The following CTNNA2 variants were observed in gnomAD, a reference collection of about 807,000 sequenced individuals.
The protein encoded by CTNNA2 is catenin alpha 2, also known as catenin alpha-2.
CTNNA2 carries 42 observed loss-of-function variants against 101.0 expected under a neutral mutation model. The ratio of observed to expected loss-of-function variants is 0.42; its 90% CI spans 0.32 to 0.54. The LOEUF is 0.54. CTNNA2 is among the 20% of genes least tolerant of loss of function. The pLI is 0.14. For missense variants in CTNNA2, 871 were observed against 1,223.1 expected (o/e 0.71, Z 4.29); for synonymous variants, 450 against 456.4 (o/e 0.99, Z 0.18).
At chr2:80,192,138 C>T (rs1406759424) in intron 7 of CTNNA2, among the ~76,000 whole-genome samples, 1 of 152,132 alleles carries the variant, frequency 6.6e-6, no homozygotes, top group Non-Finnish European at 1.5e-5. Context: ...GAATTGCAGA[C>T]ATAACTTTGG....
chr2:79,430,298 A>G (rs1678646140), intron 4 of CTNNA2, among the ~76,000 whole-genome samples: 1 of 152,198 alleles, frequency 6.6e-6, no homozygotes, highest in Non-Finnish European at 1.5e-5. Context: ...AAATTGATAT[A>G]TATCACACAT....
At chr2:79,382,953 A>G (rs1678056637) in intron 4 of CTNNA2, among the ~76,000 whole-genome samples, 1 of 152,230 alleles carries the variant, frequency 6.6e-6, no homozygotes. Context: ...ATCTCGGAGT[A>G]TTTAAGGCAG....
At chr2:79,350,030 C>T (rs771315113) in intron 3 of CTNNA2, among the ~76,000 whole-genome samples, 3 of 135,590 alleles carry the variant, frequency 2.2e-5, no homozygotes, top group African/African-American at 5.7e-5. Context: ...GACGAGATCA[C>T]GCCACTGCAC....
chr2:79,447,355 GA>G (rs917189285), intron 4 of CTNNA2, among the ~76,000 whole-genome samples: 4 of 151,878 alleles, frequency 2.6e-5, no homozygotes, highest in African/African-American at 9.7e-5. Flanking sequence ...GAAAAAAATC[GA>G]CATTCATTTC....
At chr2:79,309,034 T>TTA (rs1425875027) in intron 2 of CTNNA2, among the ~76,000 whole-genome samples, 2 of 152,114 alleles carry the variant, frequency 1.3e-5, no homozygotes, top group East Asian at 3.9e-4. Context: ...ACAGGAAGTT[T>TTA]TATATATATG....
At chr2:79,713,904 A>T (rs1290465433) in intron 2 of CTNNA2, among the ~76,000 whole-genome samples, 1 of 152,176 alleles carries the variant, frequency 6.6e-6, no homozygotes, top group Non-Finnish European at 1.5e-5. Flanking sequence ...GGAGCCCCTC[A>T]TTGATTTCTT....
chr2:80,254,517 A>G (rs1209251351), intron 7 of CTNNA2, among the ~76,000 whole-genome samples: 2 of 152,176 alleles, frequency 1.3e-5, no homozygotes, highest in African/African-American at 4.8e-5. Context: ...ACCACATCAG[A>G]ACACAGGTTT....
At chr2:79,924,294 G>A (rs1686875304) in intron 7 of CTNNA2, among the ~76,000 whole-genome samples, 1 of 151,900 alleles carries the variant, frequency 6.6e-6, no homozygotes, top group Non-Finnish European at 1.5e-5. Flanking sequence ...ACATCTTTGG[G>A]GTTTTGCAGT....
At chr2:79,632,896 A>T (rs968374249) in intron 1 of CTNNA2, among the ~76,000 whole-genome samples, 1 of 152,200 alleles carries the variant, frequency 6.6e-6, no homozygotes, top group African/African-American at 2.4e-5. Context: ...TCAATTACTC[A>T]ACTCGGCTAT....
At chr2:80,633,624 G>T (rs7569473) in intron 18 of CTNNA2, among the ~76,000 whole-genome samples, 7,614 of 152,202 alleles carry the variant, frequency 0.05, 483 homozygotes, top group African/African-American at 0.15. Flanking sequence ...AAGACTGCAT[G>T]TTCTACCCAG....
intron 7 of CTNNA2, among the ~76,000 whole-genome samples, chr2:80,336,195 G>C (rs1671750668): frequency 6.6e-6 from 1 of 152,104 alleles, no homozygotes; most frequent in Non-Finnish European, 1.5e-5. Context: ...TCAGTGTCTG[G>C]TGAGGGTTCG....
At chr2:80,090,285 A>C (rs943114545) in intron 7 of CTNNA2, among the ~76,000 whole-genome samples, 3 of 151,776 alleles carry the variant, frequency 2.0e-5, no homozygotes, top group African/African-American at 7.3e-5. Flanking sequence ...ATGTGTTTGC[A>C]TATGCTCAAT....
intron 1 of CTNNA2, among the ~76,000 whole-genome samples, chr2:79,586,151 G>T (rs1029450843): frequency 6.6e-6 from 1 of 152,046 alleles, no homozygotes; most frequent in African/African-American, 2.4e-5. Flanking sequence ...TCTGCTGTCT[G>T]CACCGGGTGC....
chr2:80,375,896 A>T (rs1675907186), intron 7 of CTNNA2, among the ~76,000 whole-genome samples: 2 of 151,880 alleles, frequency 1.3e-5, no homozygotes, highest in Admixed American at 1.3e-4. Context: ...TTTACTCAGG[A>T]CTTTTTACTC....
chr2:80,412,953 A>G (rs1679718270), intron 8 of CTNNA2, among the ~76,000 whole-genome samples: 1 of 152,170 alleles, frequency 6.6e-6, no homozygotes, highest in Non-Finnish European at 1.5e-5. Context: ...GGCCCTAAAC[A>G]TGACACATGG....
chr2:80,001,791 C>T (rs1027731171), intron 7 of CTNNA2, among the ~76,000 whole-genome samples: 5 of 152,148 alleles, frequency 3.3e-5, no homozygotes, highest in Admixed American at 1.3e-4. Flanking sequence ...ACAGTGCTGT[C>T]GTCATCTGTC....
chr2:80,213,128 C>A (rs559594116), intron 7 of CTNNA2, among the ~76,000 whole-genome samples: 1 of 151,890 alleles, frequency 6.6e-6, no homozygotes, highest in African/African-American at 2.4e-5. Flanking sequence ...GTCTTGCTAG[C>A]GGCCCATCAA....
At chr2:80,593,971 A>G (rs1339353587) in intron 15 of CTNNA2, among the ~76,000 whole-genome samples, 1 of 152,050 alleles carries the variant, frequency 6.6e-6, no homozygotes, top group African/African-American at 2.4e-5. Context: ...TCCTGCTTTC[A>G]TTTCTTTTAA....
chr2:79,550,401 A>C (rs1573319388), intron 1 of CTNNA2, among the ~76,000 whole-genome samples: 1 of 152,302 alleles, frequency 6.6e-6, no homozygotes, highest in East Asian at 1.9e-4. Flanking sequence ...GAGACTCAGC[A>C]ATGAGCCACC....
Sources: gnomAD v4.1 joint callset for allele counts (sites outside exome capture counted in the v4.1 genomes callset) on GRCh38, gnomAD v4.1.1 for gene constraint, MANE v1.5 for transcripts, NCBI Gene and HGNC (gene_info 2026-07-23, HGNC 2026-07-21) for gene names.